ABTB3: variants seen among roughly 807,000 people sequenced by gnomAD.
ABTB3 encodes the protein ankyrin repeat- and BTB/POZ domain-containing protein 3.
At chr12:107,531,963 T>C in the ABTB3 span, among the ~76,000 whole-genome samples, 5 of 152,244 alleles carry the variant, frequency 3.3e-5, 1 homozygote, top group South Asian at 1.0e-3. Flanking sequence ...CCCTACACCA[T>C]GGGGAACAGG....
the ABTB3 span, among the ~76,000 whole-genome samples, chr12:107,362,979 G>A: frequency 6.6e-6 from 1 of 152,130 alleles, no homozygotes; most frequent in African/African-American, 2.4e-5. Flanking sequence ...GAGGACCTGG[G>A]ATTTGAATCC....
the ABTB3 span, among the ~76,000 whole-genome samples, chr12:107,500,116 G>C: frequency 6.6e-6 from 1 of 152,168 alleles, no homozygotes; most frequent in Non-Finnish European, 1.5e-5. Flanking sequence ...ATTACAATTT[G>C]AGATGAGATT....
chr12:107,447,547 G>A, the ABTB3 span, among the ~76,000 whole-genome samples: 3 of 152,170 alleles, frequency 2.0e-5, no homozygotes, highest in African/African-American at 7.2e-5. Flanking sequence ...CAAGCTGGTG[G>A]TTGGGAGATG....
the ABTB3 span, among the ~76,000 whole-genome samples, chr12:107,380,983 C>G: frequency 2.6e-5 from 4 of 152,150 alleles, no homozygotes; most frequent in African/African-American, 9.6e-5. Flanking sequence ...AGTCACATAT[C>G]AGAGAGGTAT....
the ABTB3 span, chr12:107,620,241 G>A: frequency 6.5e-7 from 1 of 1,548,302 alleles, no homozygotes; most frequent in East Asian, 2.3e-5. Flanking sequence ...CGGTCTTTTA[G>A]CCTGCTGTTC....
chr12:107,399,797 C>A, the ABTB3 span, among the ~76,000 whole-genome samples: 1 of 152,128 alleles, frequency 6.6e-6, no homozygotes, highest in Non-Finnish European at 1.5e-5. Flanking sequence ...TTTTAAGCCC[C>A]ACATGCATTA....
the ABTB3 span, among the ~76,000 whole-genome samples, chr12:107,638,256 C>T: frequency 6.6e-6 from 1 of 152,086 alleles, no homozygotes; most frequent in Non-Finnish European, 1.5e-5. Flanking sequence ...CCAGGACCAC[C>T]GTCTGGGCAG....
the ABTB3 span, among the ~76,000 whole-genome samples, chr12:107,457,694 G>C: frequency 6.6e-6 from 1 of 152,310 alleles, no homozygotes; most frequent in Admixed American, 6.5e-5. Flanking sequence ...AAGCAGCACT[G>C]TCACCCAGGG....
the ABTB3 span, among the ~76,000 whole-genome samples, chr12:107,376,138 G>A: frequency 5.3e-5 from 8 of 151,968 alleles, no homozygotes; most frequent in African/African-American, 1.2e-4. Flanking sequence ...TCCCCTCCTC[G>A]AAGATGCCCT....
chr12:107,508,438 C>CTTTTTTTTTGTTTTTTTTTT, the ABTB3 span, among the ~76,000 whole-genome samples: 1 of 69,150 alleles, frequency 1.4e-5, no homozygotes, highest in African/African-American at 5.4e-5. Context: ...AAGATCATTT[C>CTTTTTTTTTGTTTTTTTTTT]TTTTTTTTTT....
At chr12:107,356,883 A>G in the ABTB3 span, among the ~76,000 whole-genome samples, 2 of 152,238 alleles carry the variant, frequency 1.3e-5, no homozygotes, top group Non-Finnish European at 2.9e-5. Context: ...GGCTTATGCC[A>G]CTGAATTCTC....
chr12:107,362,705 A>C, the ABTB3 span, among the ~76,000 whole-genome samples: 2 of 151,820 alleles, frequency 1.3e-5, no homozygotes, highest in South Asian at 4.2e-4. Context: ...AGGTGGGAGG[A>C]TTGCTTGAGC....
At chr12:107,399,097 T>C in the ABTB3 span, among the ~76,000 whole-genome samples, 2 of 152,304 alleles carry the variant, frequency 1.3e-5, no homozygotes, top group Middle Eastern at 3.4e-3. Context: ...GCTATTTTTT[T>C]CCTCCATCGC....
At chr12:107,560,469 T>C in the ABTB3 span, among the ~76,000 whole-genome samples, 1 of 151,806 alleles carries the variant, frequency 6.6e-6, no homozygotes, top group Admixed American at 6.6e-5. Flanking sequence ...TAGGGAACAA[T>C]GGCATCTGCC....
At chr12:107,525,538 G>C in the ABTB3 span, among the ~76,000 whole-genome samples, 2 of 152,262 alleles carry the variant, frequency 1.3e-5, no homozygotes, top group Middle Eastern at 3.4e-3. Context: ...CTACAGCCTA[G>C]GTGTGCAGTA....
the ABTB3 span, among the ~76,000 whole-genome samples, chr12:107,628,611 CT>C: frequency 1.3e-4 from 20 of 151,418 alleles, no homozygotes; most frequent in Admixed American, 8.6e-4. Flanking sequence ...ATAAGGAGGG[CT>C]TTTTTTTTCT....
the ABTB3 span, among the ~76,000 whole-genome samples, chr12:107,571,632 T>C: frequency 2.6e-5 from 4 of 152,258 alleles, no homozygotes; most frequent in African/African-American, 9.6e-5. Flanking sequence ...AAGGCGTGTT[T>C]CGCGGCAGCC....
chr12:107,519,331 CTTTTT>C, the ABTB3 span, among the ~76,000 whole-genome samples: 1 of 140,094 alleles, frequency 7.1e-6, no homozygotes, highest in African/African-American at 2.6e-5. Context: ...TTTTCTTTTT[CTTTTT>C]TTTTTTTTGA....
At chr12:107,624,670 C>T in the ABTB3 span, among the ~76,000 whole-genome samples, 3 of 152,186 alleles carry the variant, frequency 2.0e-5, no homozygotes, top group East Asian at 1.9e-4. Flanking sequence ...GCAGCTTGTT[C>T]CTTTTCATTG....
Sources: allele counts gnomAD v4.1 joint callset (sites outside exome capture counted in the v4.1 genomes callset), GRCh38; gene constraint gnomAD v4.1.1; transcripts MANE v1.5; gene names NCBI Gene and HGNC (gene_info 2026-07-23, HGNC 2026-07-21).